ANO2: variants seen among roughly 807,000 people sequenced by gnomAD.
ANO2 encodes anoctamin 2.
Under a neutral mutation model 124.2 loss-of-function variants are expected in ANO2, and 101 were observed. That is an observed-to-expected ratio of 0.81 (90% CI 0.69 to 0.96). ANO2 has a LOEUF of 0.96. ANO2 is among the 40% of genes least tolerant of loss of function. The pLI, the probability that ANO2 is intolerant of heterozygous loss-of-function variation, is 0.00. For missense variants in ANO2, 1,293 were observed against 1,274.5 expected (o/e 1.01, Z -0.22); for synonymous variants, 486 against 482.5 (o/e 1.01, Z -0.09).
chr12:5,918,227 C>T (rs1941490793), intron 3 of ANO2, among the ~76,000 whole-genome samples: 2 of 152,164 alleles, frequency 1.3e-5, no homozygotes, highest in African/African-American at 4.8e-5. Context: ...GGAAGCCTAA[C>T]GCATCCCTAA....
chr12:5,704,709 G>GTA (rs1182021510), intron 14 of ANO2, among the ~76,000 whole-genome samples: 1 of 151,802 alleles, frequency 6.6e-6, no homozygotes, highest in African/African-American at 2.4e-5. Flanking sequence ...GTGTGTGTGT[G>GTA]TGTGTGTGTG....
intron 14 of ANO2, among the ~76,000 whole-genome samples, chr12:5,686,192 C>A (rs1948699676): frequency 6.6e-6 from 1 of 152,270 alleles, no homozygotes; most frequent in African/African-American, 2.4e-5. Flanking sequence ...TCTGCACCCC[C>A]ACAACATGAA....
chr12:5,816,067 T>C (rs1320281421), intron 7 of ANO2, among the ~76,000 whole-genome samples: 7 of 151,956 alleles, frequency 4.6e-5, no homozygotes, highest in African/African-American at 1.7e-4. Flanking sequence ...GAAATGACCA[T>C]ACAAAAGATA....
At chr12:5,734,317 C>T (rs1254463281) in intron 13 of ANO2, among the ~76,000 whole-genome samples, 1 of 152,242 alleles carries the variant, frequency 6.6e-6, no homozygotes, top group African/African-American at 2.4e-5. Flanking sequence ...GTTTGAGGTT[C>T]TCCCCCATGG....
chr12:5,581,751 C>T (rs1308213202), intron 20 of ANO2, among the ~76,000 whole-genome samples: 1 of 152,172 alleles, frequency 6.6e-6, no homozygotes, highest in East Asian at 1.9e-4. Context: ...AGACTGGGCT[C>T]AGCAATGCTG....
intron 14 of ANO2, among the ~76,000 whole-genome samples, chr12:5,726,098 G>T (rs375067584): frequency 4.0e-5 from 6 of 151,362 alleles, no homozygotes; most frequent in Admixed American, 3.9e-4. Flanking sequence ...AAACGTGTCC[G>T]GGATACAGCA....
intron 3 of ANO2, among the ~76,000 whole-genome samples, chr12:5,878,395 C>T (rs891228265): frequency 6.6e-5 from 10 of 152,222 alleles, no homozygotes; most frequent in South Asian, 4.1e-4. Context: ...CATAATACCA[C>T]GCTGCCCCCT....
intron 4 of ANO2, among the ~76,000 whole-genome samples, chr12:5,851,770 G>A (rs554375889): frequency 1.3e-5 from 2 of 152,094 alleles, no homozygotes; most frequent in East Asian, 1.9e-4. Context: ...CATCAGAGGT[G>A]GGGGGTGGAA....
intron 3 of ANO2, chr12:5,858,805 T>C (rs1474447274): frequency 2.0e-5 from 3 of 152,270 alleles, no homozygotes; most frequent in Non-Finnish European, 4.4e-5. Flanking sequence ...AAACTTCTTC[T>C]GTATTCTTCA....
intron 14 of ANO2, among the ~76,000 whole-genome samples, chr12:5,667,531 T>C (rs1447464525): frequency 1.3e-5 from 2 of 152,016 alleles, no homozygotes; most frequent in Non-Finnish European, 2.9e-5. Flanking sequence ...TATTGATAGC[T>C]CTTTTTAAAA....
intron 14 of ANO2, among the ~76,000 whole-genome samples, chr12:5,659,078 G>T (rs1027922816): frequency 3.3e-5 from 5 of 152,010 alleles, no homozygotes; most frequent in African/African-American, 4.8e-5. Flanking sequence ...CCACCACCTG[G>T]TCCCACTGTC....
In ANO2 at chr12:5,922,743, GC is replaced by G. The variant is rs758524445; in HGVS notation, c.83del (p.Gly28AlafsTer139). 5 of 1,598,432 alleles carry G rather than the reference GC, an allele frequency of 3.1e-6. No homozygotes were observed. The highest frequency in any genetic ancestry group is 2.3e-5 in the South Asian group (2 of 88,008). The stretch of plus-strand genomic sequence containing the variant: ...ACTGCTGTCCATGTTTGGGGCCCTG[GC>G]CCCCTCTGGACCCTGCCTGAGGGCT... Reference protein sequence around the residue: ...RLSPQAGSRGGQGPKHGQQCL... With the variant: ...RLSPQAGSRGXQGPKHGQQCL... On this transcript the variant is annotated frameshift_variant, in exon 2 of 25. Transcript: ENST00000682330. LOFTEE classifies it high-confidence loss of function.
intron 3 of ANO2, among the ~76,000 whole-genome samples, chr12:5,878,891 C>T (rs1938292919): frequency 6.6e-6 from 1 of 152,194 alleles, no homozygotes; most frequent in Non-Finnish European, 1.5e-5. Context: ...GAGCAGGGAA[C>T]AAACGCATAC....
intron 3 of ANO2, among the ~76,000 whole-genome samples, chr12:5,868,129 G>A (rs1216949790): frequency 6.6e-6 from 1 of 152,048 alleles, no homozygotes; most frequent in Non-Finnish European, 1.5e-5. Flanking sequence ...TCCACAATGT[G>A]ATTATTACGA....
Position 5,565,561 on chromosome 12 carries a change from G to T in ANO2, c.2724C>A (p.Phe908Leu), listed in dbSNP as rs1454876523. ...ATTCCCTATCCCAGCAACTCACCTG[G>T]AAGATTATGACAAAAGCCAGACGGG... is the stretch of plus-strand genomic sequence containing the variant. ...LSARLAFVII[F>L]QNLVMFLSVL... The change falls in exon 24 of 25, where the codon TTC becomes TTA. Residue 908 changes from phenylalanine (F) to leucine (L), a missense_variant. Transcript: ENST00000682330. 1 of 1,595,252 alleles carries T rather than the reference G, an allele frequency of 6.3e-7. No homozygotes were observed. Among genetic ancestry groups the T allele is most frequent in the Non-Finnish European group, 8.5e-7 (1 of 1,170,118 alleles).
At chr12:5,583,652 C>CAAAAAAAAA in intron 20 of ANO2, 1 of 76,930 alleles carries the variant, frequency 1.3e-5, no homozygotes, top group Non-Finnish European at 2.6e-5. Context: ...GACTCCGTCT[C>CAAAAAAAAA]AAAAAAAAAA....
intron 10 of ANO2, among the ~76,000 whole-genome samples, chr12:5,790,347 G>T (rs1952659763): frequency 6.6e-6 from 1 of 152,058 alleles, no homozygotes. Flanking sequence ...AAATTCCAGA[G>T]AAACCACCTG....
intron 14 of ANO2, among the ~76,000 whole-genome samples, chr12:5,725,744 C>T (rs1460294479): frequency 6.6e-6 from 1 of 152,042 alleles, no homozygotes; most frequent in African/African-American, 2.4e-5. Context: ...TAAGGTGGTG[C>T]CCACTTCCTG....
chr12:5,847,443 C>CTGTG (rs1491481958), intron 4 of ANO2, among the ~76,000 whole-genome samples: 2 of 82,402 alleles, frequency 2.4e-5, no homozygotes, highest in African/African-American at 4.2e-5. Flanking sequence ...CTCATAACAC[C>CTGTG]TCTGTGTGTG....
Sources: allele counts gnomAD v4.1 joint callset (sites outside exome capture counted in the v4.1 genomes callset), GRCh38; gene constraint gnomAD v4.1.1; transcripts MANE v1.5; gene names NCBI Gene and HGNC (gene_info 2026-07-23, HGNC 2026-07-21).